KIF13A: variants seen among roughly 807,000 people sequenced by gnomAD.
KIF13A encodes the protein kinesin family member 13A, also known as kinesin-like protein KIF13A.
Under a neutral mutation model 212.2 loss-of-function variants are expected in KIF13A, and 79 were observed. That is an observed-to-expected ratio of 0.37 (90% CI 0.31 to 0.45). The LOEUF (loss-of-function observed/expected upper bound fraction) is 0.45. Among genes scored for constraint, KIF13A ranks in the 20% least tolerant of loss-of-function variants. KIF13A has a pLI of 1.00. For synonymous variants in KIF13A, 789 were observed against 808.6 expected (o/e 0.98, Z 0.41); for missense variants, 1,901 against 2,209.0 (o/e 0.86, Z 2.79).
chr6:17,802,017 A>G (rs1003567147), intron 20 of KIF13A, among the ~76,000 whole-genome samples: 1 of 152,154 alleles, frequency 6.6e-6, no homozygotes, highest in African/African-American at 2.4e-5. Flanking sequence ...TGTCTTAATT[A>G]TATTTCATAA....
At chr6:17,972,017 G>A (rs1298220040) in intron 2 of KIF13A, among the ~76,000 whole-genome samples, 2 of 152,138 alleles carry the variant, frequency 1.3e-5, no homozygotes, top group East Asian at 3.8e-4. Flanking sequence ...ATCCTAGAAA[G>A]AAGAATACTA....
At position 17,763,856 on chromosome 6, in the gene KIF13A, G is replaced by T; in HGVS notation, c.*254C>A. The T allele has an allele frequency of 7.5e-7, 1 of 1,326,530 alleles. No homozygotes were observed. The highest frequency in any genetic ancestry group is 9.6e-7 in the Non-Finnish European group (1 of 1,038,980). 82.2% of individuals were successfully genotyped at this position (1,326,530 alleles called of 1,614,324 possible). On this transcript the variant is annotated 3_prime_UTR_variant, in exon 39 of 39. Coordinates refer to ENST00000259711, the MANE Select transcript of KIF13A (RefSeq NM_022113.6). ...TAAACATCCCAGGGAATGAATATGA[G>T]ATTGATCCTTATCCATCTGAACACT...
Position 17,942,948 on chromosome 6 carries a change from C to T in KIF13A, c.146+44106G>A, listed in dbSNP as rs141194374. On this transcript the variant is annotated intron_variant, in intron 2 of 38. Coordinates refer to ENST00000259711, the MANE Select transcript of KIF13A (RefSeq NM_022113.6). ...GAGCCAAGATTGTGCCACTACACTCCAGGCTGGCCGACAGAGTGAGACTCT... is the reference window on the plus strand; with the variant it reads ...GAGCCAAGATTGTGCCACTACACTCTAGGCTGGCCGACAGAGTGAGACTCT... Among the ~76,000 whole-genome samples, 1,036 of 152,062 alleles carry T rather than the reference C, an allele frequency of 6.8e-3. 9 individuals carry two copies. The highest frequency in any genetic ancestry group is 0.024 in the African/African-American group (978 of 41,498).
chr6:17,976,376 G>A (rs1323813012), intron 2 of KIF13A, among the ~76,000 whole-genome samples: 3 of 152,222 alleles, frequency 2.0e-5, no homozygotes, highest in Non-Finnish European at 2.9e-5. Flanking sequence ...GCGCAGCGCC[G>A]GTGGGCCGGC....
intron 3 of KIF13A, among the ~76,000 whole-genome samples, chr6:17,880,069 C>T (rs564567117): frequency 1.3e-5 from 2 of 152,224 alleles, no homozygotes; most frequent in Admixed American, 6.5e-5. Flanking sequence ...CCAGCTCAAG[C>T]GATCCTCCCA....
At chr6:17,922,731 G>A (rs1466085325) in intron 2 of KIF13A, among the ~76,000 whole-genome samples, 1 of 151,786 alleles carries the variant, frequency 6.6e-6, no homozygotes, top group African/African-American at 2.4e-5. Context: ...CAGCTAGATA[G>A]AGGGTATGTG....
At chr6:17,801,446 G>A (rs1035875308) in intron 20 of KIF13A, among the ~76,000 whole-genome samples, 1 of 152,180 alleles carries the variant, frequency 6.6e-6, no homozygotes, top group Non-Finnish European at 1.5e-5. Context: ...AGGTTGCAGT[G>A]AGCCGAGATC....
chr6:17,763,045 T>C (rs1309991910), downstream of KIF13A, among the ~76,000 whole-genome samples: 3 of 152,196 alleles, frequency 2.0e-5, no homozygotes, highest in Admixed American at 2.0e-4. Context: ...TTACAGCAAG[T>C]TGGGGGACCA....
chr6:17,930,288 C>T (rs561481089), intron 2 of KIF13A, among the ~76,000 whole-genome samples: 3 of 152,246 alleles, frequency 2.0e-5, no homozygotes, highest in East Asian at 1.9e-4. Flanking sequence ...ACCAGCTTAG[C>T]GGGCATTGTG....
chr6:17,858,097 G>GTGTGTGTGTGTGCATGCACGCA (rs1768325789), intron 4 of KIF13A, among the ~76,000 whole-genome samples: 1 of 133,752 alleles, frequency 7.5e-6, no homozygotes, highest in Admixed American at 7.3e-5. Context: ...GTGTGTGTGT[G>GTGTGTGTGTGTGCATGCACGCA]TGTGTGTGTG....
At chr6:17,896,980 A>G (rs1003587902) in intron 3 of KIF13A, among the ~76,000 whole-genome samples, 6 of 152,226 alleles carry the variant, frequency 3.9e-5, no homozygotes, top group African/African-American at 1.4e-4. Flanking sequence ...ATCTACGTCG[A>G]CAATTGCTCG....
chr6:17,969,458 C>G (rs907333316), intron 2 of KIF13A, among the ~76,000 whole-genome samples: 2 of 152,168 alleles, frequency 1.3e-5, no homozygotes, highest in African/African-American at 4.8e-5. Context: ...ATAGGGGATT[C>G]ATAGACTGCC....
At position 17,840,981 on chromosome 6, in the gene KIF13A, T is replaced by G. The variant is rs565850722; in HGVS notation, c.831-3398A>C. Among the ~76,000 whole-genome samples, 7 of 152,272 alleles carry G rather than the reference T, an allele frequency of 4.6e-5. No homozygotes were observed. In the East Asian group the frequency reaches 1.4e-3, roughly 29 times the overall value. On this transcript the variant is annotated intron_variant, in intron 9 of 38. Transcript: ENST00000259711. ...ACTCTTAAAGGTGGAGAAACTTCTGTGTCACAAACTTCTCTAGACAACTCT... is the reference window on the plus strand; with the variant it reads ...ACTCTTAAAGGTGGAGAAACTTCTGGGTCACAAACTTCTCTAGACAACTCT...
rs117905310 is a variant in KIF13A at position 17,816,161 on chromosome 6, C to T, written c.2000+859G>A. Among the ~76,000 whole-genome samples, 565 of 151,730 alleles carry T rather than the reference C, an allele frequency of 3.7e-3. 5 individuals are homozygous for T. Among genetic ancestry groups the T allele is most frequent in the East Asian group, 8.4e-3 (43 of 5,130 alleles). On this transcript the variant is annotated intron_variant, in intron 17 of 38. Transcript: ENST00000259711. The surrounding 1 kb of genome is among the most constrained non-coding windows in gnomAD (Gnocchi z 4.3). ...CTGGAACTCCTGACCTCAGGCGATC[C>T]GCTGCCTTGGCCTCCCAAAGTGCTG...
intron 2 of KIF13A, among the ~76,000 whole-genome samples, chr6:17,917,785 G>A (rs1774676367): frequency 6.6e-6 from 1 of 152,130 alleles, no homozygotes; most frequent in Non-Finnish European, 1.5e-5. Flanking sequence ...CTGCAACAAT[G>A]CCTTAATGCA....
At position 17,837,364 on chromosome 6, in the gene KIF13A, A is replaced by C. The variant is rs1562038014; in HGVS notation, c.942+108T>G. On this transcript the variant is annotated intron_variant, in intron 10 of 38. Transcript: ENST00000259711. This position sits in a 1 kb window ranked among gnomAD's most constrained non-coding sequence, Gnocchi z 5.4. ...GTTCCTAGGAATTAGAATAACTGTCATCAGGAGAGTTCTTTAGGTATTTGG... is the reference window on the plus strand; with the variant it reads ...GTTCCTAGGAATTAGAATAACTGTCCTCAGGAGAGTTCTTTAGGTATTTGG... 1.1e-5 allele frequency: 8 copies of C among 744,330 alleles called. No homozygotes were observed. In the Admixed American group the frequency reaches 2.2e-4, roughly 20 times the overall value. 46.1% of individuals were successfully genotyped at this position (744,330 alleles called of 1,614,324 possible). A position where few individuals can be genotyped will look rare whatever the true frequency, so the allele number is the denominator to read the frequency against.
At chr6:17,857,361 T>C (rs1414129367) in intron 4 of KIF13A, among the ~76,000 whole-genome samples, 4 of 152,214 alleles carry the variant, frequency 2.6e-5, no homozygotes, top group Admixed American at 2.6e-4. Context: ...GTTTCCCCTA[T>C]GCTGTTCTCA....
chr6:17,801,770 G>A (rs546012767), intron 20 of KIF13A, among the ~76,000 whole-genome samples: 6 of 152,290 alleles, frequency 3.9e-5, no homozygotes, highest in Non-Finnish European at 1.5e-5. Flanking sequence ...GGAGCAGGAT[G>A]AAGGAGGGCT....
At chr6:17,797,265 G>A (rs962626828) in intron 22 of KIF13A, among the ~76,000 whole-genome samples, 2 of 151,892 alleles carry the variant, frequency 1.3e-5, no homozygotes, top group Non-Finnish European at 2.9e-5. Context: ...TCCTGACCTC[G>A]TGATCCACCT....
Sources: allele counts gnomAD v4.1 joint callset (sites outside exome capture counted in the v4.1 genomes callset), GRCh38; gene constraint gnomAD v4.1.1; non-coding constraint Gnocchi (gnomAD v3.1); transcripts MANE v1.5; gene names NCBI Gene and HGNC (gene_info 2026-07-23, HGNC 2026-07-21).